Variants in EIF5B observed in about 807,000 individuals in gnomAD.
The protein encoded by EIF5B is eIF-5B.
Under a neutral mutation model 147.5 loss-of-function variants are expected in EIF5B, and 47 were observed. That is an observed-to-expected ratio of 0.32 (90% CI 0.25 to 0.41). The LOEUF (loss-of-function observed/expected upper bound fraction) is 0.41, where lower values mean the gene tolerates loss of function less well. Ranked by LOEUF, EIF5B falls within the 10% of genes least tolerant of loss-of-function variation. The pLI, the probability that EIF5B is intolerant of heterozygous loss-of-function variation, is 1.00. For missense variants in EIF5B, 1,064 were observed against 1,413.2 expected (o/e 0.75, Z 3.96); for synonymous variants, 455 against 456.2 (o/e 1.00, Z 0.03).
intron 14 of EIF5B, among the ~76,000 whole-genome samples, chr2:99,385,357 A>G (rs1674783033): frequency 6.6e-6 from 1 of 152,126 alleles, no homozygotes; most frequent in Non-Finnish European, 1.5e-5. Context: ...TGAATCTTTC[A>G]TAAAAGGAAG....
intron 9 of EIF5B, among the ~76,000 whole-genome samples, chr2:99,373,103 T>C (rs1674488120): frequency 6.6e-6 from 1 of 152,210 alleles, no homozygotes; most frequent in Non-Finnish European, 1.5e-5. Context: ...ATATATATAT[T>C]TCTAACAATG....
intron 14 of EIF5B, among the ~76,000 whole-genome samples, chr2:99,385,010 G>T (rs893803657): frequency 6.6e-6 from 1 of 152,132 alleles, no homozygotes. Flanking sequence ...CTCTATTCTG[G>T]GTAGAATGCT....
chr2:99,344,797 A>G (rs1441547377), intron 1 of EIF5B, among the ~76,000 whole-genome samples: 9 of 152,182 alleles, frequency 5.9e-5, no homozygotes, highest in African/African-American at 1.9e-4. Context: ...TCAAACACAT[A>G]CAAAAGTAGA....
At chr2:99,376,933 C>T (rs1047437638) in intron 10 of EIF5B, among the ~76,000 whole-genome samples, 9 of 152,136 alleles carry the variant, frequency 5.9e-5, no homozygotes, top group African/African-American at 1.7e-4. Flanking sequence ...GTATTCTGAG[C>T]ATATGCCCTC....
chr2:99,373,544 C>G (rs372200416), intron 9 of EIF5B, among the ~76,000 whole-genome samples: 39 of 152,284 alleles, frequency 2.6e-4, no homozygotes, highest in African/African-American at 9.1e-4. Flanking sequence ...ACCCTCCTAC[C>G]TCCTACCAGC....
At chr2:99,373,319 G>T (rs973839643) in intron 9 of EIF5B, among the ~76,000 whole-genome samples, 3 of 152,196 alleles carry the variant, frequency 2.0e-5, no homozygotes, top group African/African-American at 7.2e-5. Context: ...GGAAGTCCAA[G>T]ATCAAGGCAC....
intron 14 of EIF5B, 66 bp downstream of exon 14, chr2:99,382,987 AG>A: frequency 6.7e-7 from 1 of 1,486,330 alleles, no homozygotes; most frequent in East Asian, 2.3e-5. Context: ...GATTAAAAAA[AG>A]TAGTATAATT....
At position 99,368,546 on chromosome 2, in the gene EIF5B, G is replaced by A; in HGVS notation, c.1342G>A (p.Asp448Asn). The change falls in exon 7 of 24, where the codon GAT becomes AAT. Residue 448 changes from aspartate (D) to asparagine (N), a missense_variant. Coordinates refer to ENST00000289371, the MANE Select transcript of EIF5B (RefSeq NM_015904.4). The part of the protein sequence containing the change: ...SLPKKRPIYE[D>N]KKRKKIPQQL... ...GCCAAAGAAGAGGCCAATTTATGAA[G>A]ATAAAAAGAGGAAAAAAATACCACA... The A allele has an allele frequency of 2.5e-6, 4 of 1,613,042 alleles. No individual in the cohort carries two copies. The highest frequency in any genetic ancestry group is 3.4e-6 in the Non-Finnish European group (4 of 1,179,634).
At chr2:99,355,655 C>T (rs1674081094) in intron 1 of EIF5B, among the ~76,000 whole-genome samples, 1 of 142,634 alleles carries the variant, frequency 7.0e-6, no homozygotes, top group Non-Finnish European at 1.5e-5. Context: ...TTCTGTCGCC[C>T]AGGCTGGAGT....
Position 99,400,820 on chromosome 2 carries a change from G to A in EIF5B, c.*1406G>A, listed in dbSNP as rs936989829. The A allele has an allele frequency of 4.5e-5, 7 of 154,110 alleles. No homozygotes were observed. In the East Asian group the frequency reaches 1.3e-3, roughly 29 times the overall value. The allele number at this position is 154,110 out of a possible 1,614,324, so 9.5% of individuals were successfully genotyped here. A position where few individuals can be genotyped will look rare whatever the true frequency, so the allele number is the denominator to read the frequency against. On this transcript the variant is annotated 3_prime_UTR_variant, in exon 24 of 24. Coordinates refer to ENST00000289371, the MANE Select transcript of EIF5B (RefSeq NM_015904.4). ...CTTGGAACAAGTAGAATCCCGGTCT[G>A]AGACCTCTCAGGAATTTCAGAGCTT...
intron 1 of EIF5B, among the ~76,000 whole-genome samples, chr2:99,342,370 A>G (rs1424685847): frequency 6.6e-6 from 1 of 152,146 alleles, no homozygotes; most frequent in Non-Finnish European, 1.5e-5. Flanking sequence ...CAAGAAATAT[A>G]TTGAGATTTA....
At chr2:99,357,894 G>A (rs1674128034) in intron 1 of EIF5B, among the ~76,000 whole-genome samples, 3 of 152,150 alleles carry the variant, frequency 2.0e-5, no homozygotes, top group Admixed American at 1.3e-4. Context: ...GACCACTTAA[G>A]TGTTGTTGAT....
chr2:99,369,669 G>A (rs1485995515), intron 8 of EIF5B, among the ~76,000 whole-genome samples, 188 bp downstream of exon 8: 1 of 152,132 alleles, frequency 6.6e-6, no homozygotes, highest in African/African-American at 2.4e-5. Context: ...GTATCCAAGT[G>A]AGACTTGAAT....
At chr2:99,370,079 C>T (rs1445179851) in intron 8 of EIF5B, among the ~76,000 whole-genome samples, 2 of 152,118 alleles carry the variant, frequency 1.3e-5, no homozygotes, top group African/African-American at 2.4e-5. Context: ...TGAAGGTCTT[C>T]ATTTAATGCT....
intron 1 of EIF5B, among the ~76,000 whole-genome samples, chr2:99,348,301 T>C (rs1456293287): frequency 6.6e-6 from 1 of 152,210 alleles, no homozygotes; most frequent in Non-Finnish European, 1.5e-5. Flanking sequence ...TTTTGAGACA[T>C]AGCTAGTTCT....
In EIF5B at chr2:99,379,402, A is replaced by G; in HGVS notation, c.2035A>G (p.Asn679Asp). Reference sequence around the variant, plus strand: ...CACCAATGTTCCTCTTGAAGCTATTAATGAACAGACTAAGATGATTAAAAA... The same window carrying G: ...CACCAATGTTCCTCTTGAAGCTATTGATGAACAGACTAAGATGATTAAAAA... ...GATNVPLEAI[N>D]EQTKMIKNFD... Residue 679 changes from asparagine (N) to aspartate (D), a missense_variant, in exon 12 of 24, where the codon AAT becomes GAT. Transcript: ENST00000289371. 6.2e-7 allele frequency: 1 copy of G among 1,613,100 alleles called. No individual in the cohort carries two copies. The highest frequency in any genetic ancestry group is 8.5e-7 in the Non-Finnish European group (1 of 1,179,396).
intron 14 of EIF5B, among the ~76,000 whole-genome samples, chr2:99,386,064 TTTTA>T (rs1365707315): frequency 1.3e-5 from 2 of 152,274 alleles, no homozygotes; most frequent in Admixed American, 1.3e-4. Flanking sequence ...GGTTTTTCCT[TTTTA>T]TTTTTGAATA....
chr2:99,383,402 C>T (rs1208559894), intron 14 of EIF5B, among the ~76,000 whole-genome samples: 4 of 152,044 alleles, frequency 2.6e-5, no homozygotes, highest in African/African-American at 9.7e-5. Context: ...GGCCTGTTTC[C>T]TGAGACAGTA....
At position 99,361,473 on chromosome 2, in the gene EIF5B, A is replaced by G. The variant is rs1263063061; in HGVS notation, c.572A>G (p.Asp191Gly). 1.9e-6 allele frequency: 3 copies of G among 1,614,076 alleles called. No homozygotes were observed. The highest frequency in any genetic ancestry group is 1.1e-5 in the South Asian group (1 of 91,070). ...NSSGESGDESDEFLQSRKGQK... is the reference protein window; with the variant it reads ...NSSGESGDESGEFLQSRKGQK... The stretch of plus-strand genomic sequence containing the variant: ...TCTGGTGAAAGTGGTGATGAATCAG[A>G]TGAATTTTTGCAATCTAGAAAAGGA... The change falls in exon 4 of 24, where the codon GAT (aspartate) becomes GGT (glycine). Residue 191 changes from aspartate (D) to glycine (G), a missense_variant. Asp to Gly is a moderately conservative substitution (Grantham distance 94). This residue lies in a region of EIF5B where 458 missense variants were observed against 451.3 expected (regional missense o/e 1.01). Coordinates refer to ENST00000289371, the MANE Select transcript of EIF5B (RefSeq NM_015904.4).
Sources: allele counts gnomAD v4.1 joint callset (sites outside exome capture counted in the v4.1 genomes callset), GRCh38; gene constraint gnomAD v4.1.1; regional missense constraint gnomAD v4.1.1; transcripts MANE v1.5; gene names NCBI Gene and HGNC (gene_info 2026-07-23, HGNC 2026-07-21).